CD24: variants seen among roughly 807,000 people sequenced by gnomAD.
CD24 encodes CD24 molecule.
In CD24, 2 loss-of-function variants were observed where a neutral mutation model predicts 3.6. The observed-to-expected ratio is 0.56, with a 90% confidence interval of 0.23 to 1.77. The LOEUF (loss-of-function observed/expected upper bound fraction) is 1.77. Ranked by LOEUF, CD24 falls within the 40% of genes most tolerant of loss-of-function variation. The pLI is 0.18. For missense variants in CD24, 62 were observed against 93.6 expected (o/e 0.66, Z 1.39); for synonymous variants, 33 against 44.9 (o/e 0.74, Z 1.06).
chr6:106,972,050 A>G (rs1772984156), intron 1 of CD24, among the ~76,000 whole-genome samples: 5 of 152,220 alleles, frequency 3.3e-5, no homozygotes, highest in Admixed American at 3.3e-4. Context: ...AAAAATGCCA[A>G]GTGGCAACAA....
intron 1 of CD24, 134 bp from the exon 2 acceptor site, chr6:106,971,968 A>C (rs1435414546): frequency 1.5e-6 from 1 of 647,328 alleles, no homozygotes; most frequent in African/African-American, 1.9e-5. Context: ...AACATCATTA[A>C]CTTCTGAATT....
intron 1 of CD24, chr6:106,973,461 G>C (rs1773022200): frequency 5.1e-6 from 2 of 391,798 alleles, no homozygotes; most frequent in Non-Finnish European, 9.0e-6. Flanking sequence ...AATAGGGTAC[G>C]GTTACCCCGC....
In CD24 at chr6:106,971,768, A is replaced by G. The variant is rs1772978754; in HGVS notation, c.136T>C (p.Leu46=). Residue 46 remains leucine (L), a synonymous_variant, in exon 2 of 2, where the codon TTG becomes CTG. Transcript: ENST00000606017. ...GTGGCATTAGTTGGATTTGGGGCCA[A>G]CCCAGAGTTGGAAGTACTCTGGGAG... The part of the protein sequence containing the change: ...NSSQSTSNSG[L]APNPTNATTK... 47 of 1,551,506 alleles carry G rather than the reference A, an allele frequency of 3.0e-5. No individual in the cohort carries two copies. In the South Asian group the frequency reaches 4.9e-4, roughly 16 times the overall value.
At chr6:106,973,738 A>C (rs1773031535) in intron 1 of CD24, 1 of 398,258 alleles carries the variant, frequency 2.5e-6, no homozygotes, top group Admixed American at 4.4e-5. Flanking sequence ...GGCGCGGTGC[A>C]TCCATACACC....
chr6:106,972,938 C>A (rs1288061034), intron 1 of CD24, among the ~76,000 whole-genome samples: 2 of 152,084 alleles, frequency 1.3e-5, no homozygotes, highest in Non-Finnish European at 1.5e-5. Context: ...AAATCCTATC[C>A]AAAATAGATT....
intron 1 of CD24, chr6:106,973,259 A>C: frequency 6.1e-6 from 1 of 163,312 alleles, no homozygotes; most frequent in East Asian, 1.8e-4. Flanking sequence ...AACTGACACT[A>C]AACAAAATTT....
chr6:106,969,891 A>G lies in CD24; in HGVS notation c.*1770T>C, dbSNP rs1317672388. On this transcript the variant is annotated 3_prime_UTR_variant, in exon 2 of 2. Transcript: ENST00000606017. ...GTGTTCAATGCAAATCAATTCCATA[A>G]GAAGTTACTATGAATCAAAGCGTAA... 1.3e-5 allele frequency: 2 copies of G among 152,606 alleles called. No individual in the cohort carries two copies. The highest frequency in any genetic ancestry group is 1.5e-5 in the Non-Finnish European group (1 of 68,040). 9.5% of individuals were successfully genotyped at this position (152,606 alleles called of 1,614,324 possible). A position where few individuals can be genotyped will look rare whatever the true frequency, so the allele number is the denominator to read the frequency against.
upstream of CD24, chr6:106,975,402 G>C (rs939695696): frequency 6.7e-6 from 1 of 150,270 alleles, no homozygotes; most frequent in Non-Finnish European, 1.5e-5. Context: ...CGCCTAGCGC[G>C]AACCCTTCCC....
chr6:106,970,153 A>G lies in CD24; in HGVS notation c.*1508T>C, dbSNP rs1772934281. On this transcript the variant is annotated 3_prime_UTR_variant, in exon 2 of 2. Coordinates refer to ENST00000606017, the MANE Select transcript of CD24 (RefSeq NM_001359084.1). ...GAACAAAAGACTTCGGGGAGTGTCT[A>G]TTTTTAAAAAGGTTTATGTGTGTCG... The G allele has an allele frequency of 6.6e-6, 1 of 152,472 alleles. No homozygotes were observed. Among genetic ancestry groups the G allele is most frequent in the Admixed American group, 6.5e-5 (1 of 15,276 alleles). The allele number at this position is 152,472 out of a possible 1,614,324, so 9.4% of individuals were successfully genotyped here.
At chr6:106,973,681 C>T (rs1319902564) in intron 1 of CD24, 1 of 398,766 alleles carries the variant, frequency 2.5e-6, no homozygotes, top group Admixed American at 4.4e-5. Context: ...TTCTTCGCCC[C>T]CGCCCCCGCT....
At chr6:106,974,534 C>T (rs1337594421) in intron 1 of CD24, 44 bp downstream of exon 1, 1 of 1,245,614 alleles carries the variant, frequency 8.0e-7, no homozygotes, top group East Asian at 3.1e-5. Flanking sequence ...CCTGCCCCCA[C>T]CCCGGGAACG....
intron 1 of CD24, chr6:106,973,706 C>T: frequency 2.5e-6 from 1 of 398,596 alleles, no homozygotes; most frequent in Non-Finnish European, 4.4e-6. Flanking sequence ...TCTCCCAGGC[C>T]CAGCCCCCGG....
Position 106,969,929 on chromosome 6 carries a change from A to G in CD24, c.*1732T>C, listed in dbSNP as rs1417557465. The G allele has an allele frequency of 7.9e-5, 12 of 152,500 alleles. No individual in the cohort carries two copies. The highest frequency in any genetic ancestry group is 1.3e-4 in the Non-Finnish European group (9 of 68,020). The allele number at this position is 152,500 out of a possible 1,614,324, so 9.4% of individuals were successfully genotyped here. A position where few individuals can be genotyped will look rare whatever the true frequency, so the allele number is the denominator to read the frequency against. The stretch of plus-strand genomic sequence containing the variant: ...AATCAAAGCGTAAATACACAAACAC[A>G]ATATACAATCCAAAATAGATGTACA... On this transcript the variant is annotated 3_prime_UTR_variant, in exon 2 of 2. Coordinates refer to ENST00000606017, the MANE Select transcript of CD24 (RefSeq NM_001359084.1).
chr6:106,974,180 C>T, intron 1 of CD24: 2 of 370,070 alleles, frequency 5.4e-6, no homozygotes, highest in Non-Finnish European at 9.6e-6. Flanking sequence ...TAGGGGAAAG[C>T]GAGTCCTCAG....
chr6:106,975,054 G>C (rs1177435789), upstream of CD24: 4 of 151,848 alleles, frequency 2.6e-5, no homozygotes, highest in African/African-American at 9.7e-5. Context: ...CACAGGACCC[G>C]GGGCACACAC....
chr6:106,972,518 G>T (rs1772998013), intron 1 of CD24, among the ~76,000 whole-genome samples: 1 of 152,164 alleles, frequency 6.6e-6, no homozygotes, highest in Non-Finnish European at 1.5e-5. Context: ...TTTCACAAAA[G>T]ACAACGAGAG....
chr6:106,973,449 A>T (rs1773021622), intron 1 of CD24: 2 of 388,202 alleles, frequency 5.2e-6, no homozygotes, highest in African/African-American at 4.1e-5. Flanking sequence ...TGGGAGGAAG[A>T]CAATAGGGTA....
chr6:106,976,652 T>G (rs1217770176), upstream of CD24, among the ~76,000 whole-genome samples: 1 of 152,206 alleles, frequency 6.6e-6, no homozygotes, highest in Non-Finnish European at 1.5e-5. Flanking sequence ...CAGACCAACC[T>G]GACCAACATG....
chr6:106,974,071 CAATCCA>C, intron 1 of CD24: 2 of 397,174 alleles, frequency 5.0e-6, no homozygotes. Flanking sequence ...CCGGGATACC[CAATCCA>C]ACTCCGAGGG....
Sources: allele counts gnomAD v4.1 joint callset (sites outside exome capture counted in the v4.1 genomes callset), GRCh38; gene constraint gnomAD v4.1.1; transcripts MANE v1.5; gene names NCBI Gene and HGNC (gene_info 2026-07-23, HGNC 2026-07-21).